Variants in CDH8 observed in about 807,000 individuals in gnomAD.
CDH8 encodes cadherin-8.
Under a neutral mutation model 68.1 loss-of-function variants are expected in CDH8, and 17 were observed. The observed-to-expected ratio is 0.25, with a 90% CI of 0.17 to 0.37. The LOEUF (loss-of-function observed/expected upper bound fraction) is 0.37, where lower values mean the gene tolerates loss of function less well. Among genes scored for constraint, CDH8 ranks in the 10% least tolerant of loss-of-function variants. The pLI is 1.00. For missense variants in CDH8, 763 were observed against 999.3 expected (o/e 0.76, Z 3.19); for synonymous variants, 372 against 365.1 (o/e 1.02, Z -0.21).
intron 10 of CDH8, among the ~76,000 whole-genome samples, chr16:61,665,713 A>C (rs1338547473): frequency 2.0e-5 from 3 of 150,894 alleles, no homozygotes; most frequent in African/African-American, 7.3e-5. Context: ...ATAACTCTTC[A>C]CTTTTATCTG....
At position 61,895,735 on chromosome 16, in the gene CDH8, T is replaced by G. The variant is rs544040425; in HGVS notation, c.547+5444A>C. Among the ~76,000 whole-genome samples the G allele has an allele frequency of 2.0e-5, 3 of 152,332 alleles. No individual in the cohort carries two copies. In the South Asian group the frequency reaches 6.2e-4, roughly 32 times the overall value. On this transcript the variant is annotated intron_variant, in intron 3 of 11. Transcript: ENST00000577390. ...AAAGTTAGGTCTTGTCAAGCAATTT[T>G]TCATTAACCCATGTATTCGTATTAC...
chr16:61,798,560 G>A (rs2142996330), intron 7 of CDH8, among the ~76,000 whole-genome samples: 1 of 152,158 alleles, frequency 6.6e-6, no homozygotes, highest in Non-Finnish European at 1.5e-5. Flanking sequence ...AGCTGTATTT[G>A]GCTAGTGGCC....
intron 10 of CDH8, among the ~76,000 whole-genome samples, chr16:61,701,957 T>G (rs149884776): frequency 6.6e-6 from 1 of 152,380 alleles, no homozygotes; most frequent in Non-Finnish European, 1.5e-5. Flanking sequence ...TTTTATGTCT[T>G]CTATAACAAT....
At chr16:61,835,800 C>T (rs192594821) in intron 4 of CDH8, among the ~76,000 whole-genome samples, 5 of 151,950 alleles carry the variant, frequency 3.3e-5, no homozygotes, top group Admixed American at 2.0e-4. Flanking sequence ...AAAGTCACTA[C>T]AAAATTGGAT....
intron 3 of CDH8, among the ~76,000 whole-genome samples, chr16:61,887,964 A>T (rs1198434965): frequency 6.6e-6 from 1 of 152,158 alleles, no homozygotes; most frequent in African/African-American, 2.4e-5. Context: ...CAATTAAGCT[A>T]AACTGAAATT....
intron 3 of CDH8, among the ~76,000 whole-genome samples, chr16:61,879,778 A>G (rs1701136078): frequency 6.6e-6 from 1 of 152,198 alleles, no homozygotes; most frequent in South Asian, 2.1e-4. Flanking sequence ...AGGCCCCGAA[A>G]AACAACAAGG....
At chr16:62,036,009 CT>C (rs1902448902) in intron 1 of CDH8, 70 bp downstream of exon 1, 1 of 152,322 alleles carries the variant, frequency 6.6e-6, no homozygotes, top group African/African-American at 2.4e-5. Context: ...ATGGGAATTC[CT>C]ATAAGAAACG....
At chr16:61,942,156 G>A (rs934441601) in intron 2 of CDH8, among the ~76,000 whole-genome samples, 4 of 151,838 alleles carry the variant, frequency 2.6e-5, no homozygotes, top group Non-Finnish European at 4.4e-5. Context: ...TCATGCTGTT[G>A]CCCTCAGTTT....
intron 1 of CDH8, among the ~76,000 whole-genome samples, chr16:62,026,034 C>A (rs1196491758): frequency 1.3e-5 from 2 of 152,084 alleles, no homozygotes; most frequent in African/African-American, 2.4e-5. Flanking sequence ...AAAGAAAGAC[C>A]AGCAATAGTT....
intron 10 of CDH8, among the ~76,000 whole-genome samples, chr16:61,699,041 T>C (rs1371945547): frequency 6.6e-6 from 1 of 152,202 alleles, no homozygotes. Flanking sequence ...ATAGCTAGTT[T>C]AACCCCTTAA....
intron 2 of CDH8, among the ~76,000 whole-genome samples, chr16:61,909,846 C>T (rs1325567332): frequency 6.6e-6 from 1 of 152,092 alleles, no homozygotes; most frequent in Non-Finnish European, 1.5e-5. Context: ...AATAGAAGTG[C>T]AAAGAGAGAA....
chr16:61,891,755 C>A (rs576193856), intron 3 of CDH8, among the ~76,000 whole-genome samples: 1 of 152,116 alleles, frequency 6.6e-6, no homozygotes, highest in South Asian at 2.1e-4. Context: ...TTATTTCAAT[C>A]CTCATGATTT....
intron 8 of CDH8, among the ~76,000 whole-genome samples, chr16:61,763,985 G>T (rs1194969777): frequency 6.6e-6 from 1 of 152,164 alleles, no homozygotes; most frequent in Non-Finnish European, 1.5e-5. Context: ...TGATAGCCTT[G>T]GATATTCAAA....
At chr16:61,932,218 AAAAAG>A (rs1555522372) in intron 2 of CDH8, among the ~76,000 whole-genome samples, 4 of 146,868 alleles carry the variant, frequency 2.7e-5, no homozygotes, top group Non-Finnish European at 4.4e-5. Flanking sequence ...AAAAAAAAAA[AAAAAG>A]AAAAGAAAAG....
At position 61,917,592 on chromosome 16, in the gene CDH8, G is replaced by C. The variant is rs536330916; in HGVS notation, c.253-16119C>G. On this transcript the variant is annotated intron_variant, in intron 2 of 11. Transcript: ENST00000577390. Reference sequence around the variant, plus strand: ...GAGATAGGCTCATCATGAATCCTAGGCTTCTGTTGTCCCTTGCTGCCTATC... The same window carrying C: ...GAGATAGGCTCATCATGAATCCTAGCCTTCTGTTGTCCCTTGCTGCCTATC... 1.3e-3 allele frequency among the ~76,000 whole-genome samples: 194 copies of C among 152,214 alleles called. 2 individuals carry two copies. The South Asian group carries it at 0.013, about 10-fold the overall frequency.
intron 8 of CDH8, among the ~76,000 whole-genome samples, chr16:61,757,197 T>C (rs1028402058): frequency 2.6e-5 from 4 of 152,110 alleles, no homozygotes; most frequent in African/African-American, 9.7e-5. Flanking sequence ...ACACAGTGGG[T>C]TAGACTGCAA....
At chr16:61,985,369 G>A (rs1055712371) in intron 2 of CDH8, among the ~76,000 whole-genome samples, 1 of 152,088 alleles carries the variant, frequency 6.6e-6, no homozygotes, top group Non-Finnish European at 1.5e-5. Context: ...CAAGTATTTA[G>A]CCACAAGTAG....
chr16:61,750,736 T>C (rs1056557394), intron 8 of CDH8, among the ~76,000 whole-genome samples: 1 of 152,168 alleles, frequency 6.6e-6, no homozygotes, highest in Non-Finnish European at 1.5e-5. Context: ...AGTTCCACCA[T>C]GTAGTTTCTC....
At chr16:61,911,490 GT>G in intron 2 of CDH8, among the ~76,000 whole-genome samples, 2 of 152,212 alleles carry the variant, frequency 1.3e-5, no homozygotes, top group Admixed American at 1.3e-4. Context: ...TTCCCAGGGT[GT>G]TACTCCTTAT....
Sources: gnomAD v4.1 joint callset for allele counts (sites outside exome capture counted in the v4.1 genomes callset) on GRCh38, gnomAD v4.1.1 for gene constraint, MANE v1.5 for transcripts, NCBI Gene and HGNC (gene_info 2026-07-23, HGNC 2026-07-21) for gene names.